Variants in PILRA observed in about 807,000 individuals in gnomAD.
PILRA encodes paired immunoglobin like type 2 receptor alpha, also known as paired immunoglobulin-like type 2 receptor alpha.
PILRA carries 37 observed loss-of-function variants against 33.1 expected under a neutral mutation model. The ratio of observed to expected loss-of-function variants is 1.12; its 90% confidence interval spans 0.86 to 1.47. PILRA has a LOEUF of 1.47. Among genes scored for constraint, PILRA ranks in the 40% most tolerant of loss-of-function variants. The pLI is 0.00. For synonymous variants in PILRA, 146 were observed against 149.9 expected (o/e 0.97, Z 0.19); for missense variants, 312 against 376.2 (o/e 0.83, Z 1.41).
intron 2 of PILRA, among the ~76,000 whole-genome samples, chr7:100,381,957 C>T (rs1344144883): frequency 2.0e-5 from 3 of 152,128 alleles, no homozygotes; most frequent in Non-Finnish European, 4.4e-5. Flanking sequence ...TGCCTCCCGG[C>T]AGGGCAGGGC....
At chr7:100,382,718 G>A (rs1195892453) in intron 2 of PILRA, among the ~76,000 whole-genome samples, 1 of 150,982 alleles carries the variant, frequency 6.6e-6, no homozygotes, top group Non-Finnish European at 1.5e-5. Flanking sequence ...TCTTTTTTTT[G>A]CTTTTGCTTT....
At chr7:100,398,062 C>G in intron 4 of PILRA, 150 bp downstream of exon 4, 1 of 744,552 alleles carries the variant, frequency 1.3e-6, no homozygotes, top group Non-Finnish European at 2.3e-6. Context: ...CCTTGTTCTC[C>G]TTTGTCCTCT....
upstream of PILRA, among the ~76,000 whole-genome samples, chr7:100,372,607 G>A (rs2130146075): frequency 6.6e-6 from 1 of 152,312 alleles, no homozygotes; most frequent in Middle Eastern, 3.4e-3. Context: ...TGTGTGTGGG[G>A]TGGGTGTTGC....
At chr7:100,375,918 G>A (rs1196515515) in intron 2 of PILRA, among the ~76,000 whole-genome samples, 2 of 152,204 alleles carry the variant, frequency 1.3e-5, no homozygotes, top group Non-Finnish European at 2.9e-5. Flanking sequence ...CAGAAAGGGC[G>A]TCGGGGAAAT....
chr7:100,376,524 C>A (rs979830749), intron 2 of PILRA: 2 of 146,366 alleles, frequency 1.4e-5, no homozygotes, highest in African/African-American at 5.0e-5. Context: ...TCTCTGTCAC[C>A]CAGGCTGGAG....
At chr7:100,382,564 G>C (rs1007127336) in intron 2 of PILRA, among the ~76,000 whole-genome samples, 8 of 151,718 alleles carry the variant, frequency 5.3e-5, no homozygotes, top group African/African-American at 1.7e-4. Flanking sequence ...GGACCAATCA[G>C]CTCTCTGTAA....
upstream of PILRA, among the ~76,000 whole-genome samples, chr7:100,371,912 G>C (rs1790823124): frequency 6.6e-6 from 1 of 152,212 alleles, no homozygotes; most frequent in Admixed American, 6.5e-5. Context: ...CATGCATGTT[G>C]CATCTAAGGA....
intron 3 of PILRA, among the ~76,000 whole-genome samples, chr7:100,392,139 T>C (rs1181471991): frequency 6.6e-6 from 1 of 152,148 alleles, no homozygotes; most frequent in Admixed American, 6.6e-5. Context: ...TGAAACCCTG[T>C]CTCTACTAAA....
chr7:100,385,236 G>A (rs1791228442), intron 2 of PILRA, among the ~76,000 whole-genome samples: 1 of 152,198 alleles, frequency 6.6e-6, no homozygotes, highest in Non-Finnish European at 1.5e-5. Flanking sequence ...TGAGGAGGCA[G>A]GTGCAGGAGG....
chr7:100,381,462 A>T (rs1791091477), intron 2 of PILRA, among the ~76,000 whole-genome samples: 1 of 151,730 alleles, frequency 6.6e-6, no homozygotes, highest in Admixed American at 6.6e-5. Flanking sequence ...AAAAAAAAAA[A>T]AAAATTAAAA....
intron 2 of PILRA, among the ~76,000 whole-genome samples, chr7:100,378,856 G>A (rs1033682497): frequency 1.3e-5 from 2 of 152,110 alleles, no homozygotes; most frequent in Non-Finnish European, 2.9e-5. Flanking sequence ...ACTTTGGGAG[G>A]TCAAGGCGGG....
intron 2 of PILRA, among the ~76,000 whole-genome samples, chr7:100,380,257 A>G (rs1175412657): frequency 1.3e-5 from 2 of 152,212 alleles, no homozygotes; most frequent in African/African-American, 2.4e-5. Context: ...GAGTCCCTAT[A>G]TGATTAAATG....
intron 3 of PILRA, 80 bp from the exon 4 acceptor site, chr7:100,397,799 C>T: frequency 6.9e-7 from 1 of 1,458,584 alleles, no homozygotes; most frequent in South Asian, 1.1e-5. Flanking sequence ...AGGGCCTCAG[C>T]CTAGGGCGCA....
chr7:100,395,637 A>C (rs1402933928), intron 3 of PILRA, among the ~76,000 whole-genome samples: 3 of 152,116 alleles, frequency 2.0e-5, no homozygotes, highest in Non-Finnish European at 4.4e-5. Flanking sequence ...ATGGCCAACT[A>C]ATCATCAGAG....
intron 2 of PILRA, among the ~76,000 whole-genome samples, chr7:100,385,572 AG>A (rs1347758866): frequency 6.6e-6 from 1 of 152,200 alleles, no homozygotes; most frequent in East Asian, 1.9e-4. Flanking sequence ...TTTTACTTAA[AG>A]TAACTTGAAT....
chr7:100,372,412 C>G (rs76713044), upstream of PILRA, among the ~76,000 whole-genome samples: 442 of 152,258 alleles, frequency 2.9e-3, 2 homozygotes, highest in African/African-American at 0.01. Context: ...CTCAAGAAGG[C>G]TGATGTCACT....
chr7:100,393,287 A>C (rs190322802), intron 3 of PILRA, among the ~76,000 whole-genome samples: 45 of 152,262 alleles, frequency 3.0e-4, no homozygotes, highest in East Asian at 2.9e-3. Context: ...CTCAAACAAA[A>C]AAAAAAAAAT....
At chr7:100,385,534 C>T (rs1584220884) in intron 2 of PILRA, among the ~76,000 whole-genome samples, 1 of 152,334 alleles carries the variant, frequency 6.6e-6, no homozygotes, top group African/African-American at 2.4e-5. Context: ...AATTAAACCA[C>T]ATACTATGCT....
intron 2 of PILRA, among the ~76,000 whole-genome samples, chr7:100,381,304 G>T (rs1791086913): frequency 6.6e-6 from 1 of 151,894 alleles, no homozygotes; most frequent in Admixed American, 6.6e-5. Flanking sequence ...CAACTAGCTG[G>T]GTATAGTGGC....
Sources: gnomAD v4.1 joint callset for allele counts (sites outside exome capture counted in the v4.1 genomes callset) on GRCh38, gnomAD v4.1.1 for gene constraint, MANE v1.5 for transcripts, NCBI Gene and HGNC (gene_info 2026-07-23, HGNC 2026-07-21) for gene names.